Variants in SDC1 observed in about 807,000 individuals in gnomAD.
SDC1 encodes syndecan-1.
Under a neutral mutation model 29.7 loss-of-function variants are expected in SDC1, and 14 were observed. That is an observed-to-expected ratio of 0.47 (90% CI 0.31 to 0.74). SDC1 has a LOEUF of 0.74. SDC1 is among the 30% of genes least tolerant of loss of function. SDC1 has a pLI of 0.05. For synonymous variants in SDC1, 204 were observed against 175.5 expected, an observed-to-expected ratio of 1.16 and a Z score of -1.29; for missense variants, 406 against 400.3, an observed-to-expected ratio of 1.01 and a Z score of -0.12.
chr2:20,213,049 T>G (rs1677520250), intron 1 of SDC1, among the ~76,000 whole-genome samples: 1 of 152,124 alleles, frequency 6.6e-6, no homozygotes, highest in Admixed American at 6.5e-5. Flanking sequence ...CACTGCCTGC[T>G]CACAGTACAC....
intron 1 of SDC1, among the ~76,000 whole-genome samples, chr2:20,214,359 G>A (rs972002198): frequency 4.6e-5 from 7 of 152,168 alleles, no homozygotes; most frequent in African/African-American, 1.7e-4. Context: ...AAGGCAGAGT[G>A]TCCCTGAAGG....
intron 1 of SDC1, among the ~76,000 whole-genome samples, chr2:20,221,693 T>C (rs1195723402): frequency 6.6e-6 from 1 of 152,160 alleles, no homozygotes; most frequent in African/African-American, 2.4e-5. Context: ...ACAGAAAAGA[T>C]TCCTCTAAAA....
Position 20,202,641 on chromosome 2 carries a change from C to T in SDC1, c.*125G>A, listed in dbSNP as rs189281937. On this transcript the variant is annotated 3_prime_UTR_variant, in exon 5 of 5. Transcript: ENST00000254351. Reference sequence around the variant, plus strand: ...CCACGACTCCGTGGGCAGGAGCGACCAGAGGGGCTGGAATGCTGGGGAGGT... The same window carrying T: ...CCACGACTCCGTGGGCAGGAGCGACTAGAGGGGCTGGAATGCTGGGGAGGT... 2.8e-4 allele frequency: 262 copies of T among 942,060 alleles called. 2 individuals are homozygous for T. In the African/African-American group the frequency reaches 3.6e-3, roughly 13 times the overall value. 58.4% of individuals were successfully genotyped at this position (942,060 alleles called of 1,614,324 possible).
chr2:20,202,991 G>A, intron 4 of SDC1, 56 bp from the exon 5 acceptor site: 5 of 1,573,776 alleles, frequency 3.2e-6, no homozygotes, highest in Non-Finnish European at 4.3e-6. Context: ...CTCTGCTGCA[G>A]ACCCTCCCCA....
chr2:20,224,936 T>G lies in SDC1; in HGVS notation c.-69A>C. The G allele has an allele frequency of 8.3e-7, 1 of 1,199,378 alleles. No homozygotes were observed. The highest frequency in any genetic ancestry group is 4.1e-5 in the South Asian group (1 of 24,170). 74.3% of individuals were successfully genotyped at this position (1,199,378 alleles called of 1,614,324 possible). ...GCGGCTGCGGGCCGGCTTCGCGGGT[T>G]CCGCTGCTCGATGCTCTCTTGGGCG... On this transcript the variant is annotated 5_prime_UTR_variant, in exon 1 of 5. Coordinates refer to ENST00000254351, the MANE Select transcript of SDC1 (RefSeq NM_002997.5). This position sits in a 1 kb window ranked among gnomAD's most constrained non-coding sequence, Gnocchi z 4.9.
intron 3 of SDC1, among the ~76,000 whole-genome samples, chr2:20,203,571 T>C (rs1677121386): frequency 6.6e-6 from 1 of 152,066 alleles, no homozygotes; most frequent in African/African-American, 2.4e-5. Context: ...GGGCTGCAAG[T>C]TTGGATTGTG....
At chr2:20,216,728 T>C (rs975386588) in intron 1 of SDC1, among the ~76,000 whole-genome samples, 1 of 152,192 alleles carries the variant, frequency 6.6e-6, no homozygotes, top group Non-Finnish European at 1.5e-5. Flanking sequence ...TCTAAAGGGC[T>C]TTCTGGGACC....
intron 1 of SDC1, among the ~76,000 whole-genome samples, chr2:20,211,980 C>A (rs756255940): frequency 6.6e-6 from 1 of 152,246 alleles, no homozygotes; most frequent in Non-Finnish European, 1.5e-5. Flanking sequence ...ATCCGCCATG[C>A]GGCTCCCGTG....
Position 20,202,583 on chromosome 2 carries a change from G to T in SDC1, c.*183C>A. On this transcript the variant is annotated 3_prime_UTR_variant, in exon 5 of 5. Coordinates refer to ENST00000254351, the MANE Select transcript of SDC1 (RefSeq NM_002997.5). ...TGGTGCCCTAAGTCTCCAGGCAGAA[G>T]TCAGAGAAGCAGAGTGGAGCTCCCA... 1 of 654,672 alleles carries T rather than the reference G, an allele frequency of 1.5e-6. No individual in the cohort carries two copies. The highest frequency in any genetic ancestry group is 2.7e-6 in the Non-Finnish European group (1 of 373,832). 40.6% of individuals were successfully genotyped at this position (654,672 alleles called of 1,614,324 possible). A position where few individuals can be genotyped will look rare whatever the true frequency, so the allele number is the denominator to read the frequency against.
chr2:20,217,090 C>T (rs10171976), intron 1 of SDC1, among the ~76,000 whole-genome samples: 4,954 of 152,318 alleles, frequency 0.033, 79 homozygotes, highest in Middle Eastern at 0.044. Flanking sequence ...GGCCAGAAGG[C>T]AGCCCCACAG....
At chr2:20,223,275 GACT>G in intron 1 of SDC1, 1 of 1,299,228 alleles carries the variant, frequency 7.7e-7, no homozygotes, top group South Asian at 1.2e-5. Context: ...CCATGAGACA[GACT>G]CTGTAAAGAA....
chr2:20,207,217 TC>T lies in SDC1; in HGVS notation c.67-1794del, dbSNP rs150074597. Among the ~76,000 whole-genome samples the T allele has an allele frequency of 7.6e-3, 1,160 of 152,328 alleles. 16 individuals are homozygous for T. Among genetic ancestry groups the T allele is most frequent in the African/African-American group, 0.027 (1,120 of 41,572 alleles). On this transcript the variant is annotated intron_variant, in intron 1 of 4. Coordinates refer to ENST00000254351, the MANE Select transcript of SDC1 (RefSeq NM_002997.5). ...CAGGGGCCTAGGTCAGAGGGAAGCG[TC>T]AGACACGTGTAGAAACCACAAGGTC...
chr2:20,213,309 G>A (rs1424966974), intron 1 of SDC1, among the ~76,000 whole-genome samples: 1 of 152,214 alleles, frequency 6.6e-6, no homozygotes, highest in Non-Finnish European at 1.5e-5. Context: ...GCCAGGCAGG[G>A]CAAGGTTTCA....
rs561168045 is a variant in SDC1, at chr2:20,201,347, G to A, written c.*1419C>T. The A allele has an allele frequency of 1.3e-5, 2 of 152,308 alleles. No homozygotes were observed. Among genetic ancestry groups the A allele is most frequent in the African/African-American group, 2.4e-5 (1 of 41,560 alleles). The allele number at this position is 152,308 out of a possible 1,614,324, so 9.4% of individuals were successfully genotyped here. ...AAACAAAAAAGCAAATACACAGAGG[G>A]ACCCTGGAACCAGAATCCCTCCCCA... On this transcript the variant is annotated 3_prime_UTR_variant, in exon 5 of 5. Transcript: ENST00000254351.
intron 1 of SDC1, chr2:20,223,499 T>G (rs1365674224): frequency 3.2e-6 from 1 of 308,434 alleles, no homozygotes; most frequent in Non-Finnish European, 6.4e-6. Context: ...CACCGCCACT[T>G]CCGGAAGGGG....
At chr2:20,204,812 A>G (rs1219973913) in intron 2 of SDC1, among the ~76,000 whole-genome samples, 3 of 151,634 alleles carry the variant, frequency 2.0e-5, no homozygotes, top group Non-Finnish European at 4.4e-5. Flanking sequence ...CTCAAGAGCC[A>G]CCTCCTCTGT....
chr2:20,210,764 G>A (rs1572466552), intron 1 of SDC1, among the ~76,000 whole-genome samples: 2 of 152,142 alleles, frequency 1.3e-5, no homozygotes, highest in East Asian at 1.9e-4. Flanking sequence ...ACTGGCTCTG[G>A]GGCCAGTGGA....
intron 2 of SDC1, 26 bp downstream of exon 2, chr2:20,205,317 G>C (rs74334882): frequency 5.3e-5 from 80 of 1,511,300 alleles, no homozygotes; most frequent in East Asian, 1.6e-4. Context: ...CGTCTTGGGT[G>C]GGGGGGGCCC....
chr2:20,208,653 C>T (rs1026949109), intron 1 of SDC1, among the ~76,000 whole-genome samples: 3 of 152,160 alleles, frequency 2.0e-5, no homozygotes, highest in African/African-American at 4.8e-5. Context: ...TGCTGACAGC[C>T]GGCAGCAAAC....
Sources: allele counts gnomAD v4.1 joint callset (sites outside exome capture counted in the v4.1 genomes callset), GRCh38; gene constraint gnomAD v4.1.1; non-coding constraint Gnocchi (gnomAD v3.1); transcripts MANE v1.5; gene names NCBI Gene and HGNC (gene_info 2026-07-23, HGNC 2026-07-21).